FHIT: variants seen among roughly 807,000 people sequenced by gnomAD.
FHIT encodes the protein fragile histidine triad diadenosine triphosphatase.
A neutral mutation model predicts 17.9 loss-of-function variants in FHIT; 19 were observed. The observed-to-expected ratio is 1.06, with a 90% CI of 0.74 to 1.56. FHIT has a LOEUF of 1.56. Among genes scored for constraint, FHIT ranks in the 40% most tolerant of loss-of-function variants. The pLI is 0.00. For missense variants in FHIT, 248 were observed against 189.2 expected (o/e 1.31, Z -1.82); for synonymous variants, 81 against 69.7 (o/e 1.16, Z -0.81).
At chr3:60,569,439 TA>T (rs1433700191) in intron 4 of FHIT, among the ~76,000 whole-genome samples, 1 of 152,030 alleles carries the variant, frequency 6.6e-6, no homozygotes, top group Non-Finnish European at 1.5e-5. Context: ...ACTGCTTACA[TA>T]GTATGACATG....
intron 5 of FHIT, among the ~76,000 whole-genome samples, chr3:60,455,374 T>G (rs2107385962): frequency 6.6e-6 from 1 of 152,270 alleles, no homozygotes; most frequent in South Asian, 2.1e-4. Flanking sequence ...CTCAGCAATC[T>G]TACGGCCATT....
intron 8 of FHIT, among the ~76,000 whole-genome samples, chr3:59,920,133 C>T (rs1705331775): frequency 6.6e-6 from 1 of 152,166 alleles, no homozygotes; most frequent in Non-Finnish European, 1.5e-5. Flanking sequence ...GTAATAATAA[C>T]AGTAAGAACA....
intron 2 of FHIT, among the ~76,000 whole-genome samples, chr3:61,045,273 A>T (rs1191435027): frequency 6.6e-6 from 1 of 152,196 alleles, no homozygotes; most frequent in Non-Finnish European, 1.5e-5. Flanking sequence ...GCTCAAAATA[A>T]AGGGATGGAG....
chr3:60,467,362 T>C (rs1430303254), intron 5 of FHIT, among the ~76,000 whole-genome samples: 2 of 152,028 alleles, frequency 1.3e-5, no homozygotes, highest in Non-Finnish European at 2.9e-5. Context: ...CTGATCTTTA[T>C]TTTTCCTTCT....
At chr3:59,767,391 C>T (rs954990371) in intron 8 of FHIT, among the ~76,000 whole-genome samples, 8 of 151,910 alleles carry the variant, frequency 5.3e-5, no homozygotes, top group African/African-American at 1.5e-4. Context: ...CCCAGTTATT[C>T]GGGAGGCTGA....
intron 1 of FHIT, among the ~76,000 whole-genome samples, chr3:61,213,236 T>C (rs1204918695): frequency 2.0e-5 from 3 of 152,302 alleles, no homozygotes; most frequent in African/African-American, 7.2e-5. Context: ...TCAAGACCCA[T>C]CAGTGTGCTG....
chr3:60,732,684 CTTTTT>C (rs3038041), intron 4 of FHIT: 1,289 of 177,308 alleles, frequency 7.3e-3, no homozygotes, highest in South Asian at 0.012. Context: ...GCAAAGACTG[CTTTTT>C]TTTTTTTTTT....
chr3:60,613,692 C>T (rs1209409700), intron 4 of FHIT, among the ~76,000 whole-genome samples: 2 of 151,936 alleles, frequency 1.3e-5, no homozygotes, highest in Non-Finnish European at 2.9e-5. Flanking sequence ...CCTACATTTC[C>T]CTTTTTCTCT....
chr3:60,688,197 C>A (rs1333938977), intron 4 of FHIT, among the ~76,000 whole-genome samples: 4 of 152,116 alleles, frequency 2.6e-5, no homozygotes, highest in Non-Finnish European at 5.9e-5. Context: ...TATATTTCCT[C>A]TTTTCAACAT....
At chr3:60,011,594 T>A (rs1700143041) in intron 6 of FHIT, among the ~76,000 whole-genome samples, 194 bp from the exon 7 acceptor site, 1 of 152,214 alleles carries the variant, frequency 6.6e-6, no homozygotes, top group Admixed American at 6.5e-5. Flanking sequence ...AGTGCGAAGT[T>A]ATGTATAAAA....
intron 3 of FHIT, among the ~76,000 whole-genome samples, chr3:60,874,523 A>T (rs1312935273): frequency 6.6e-6 from 1 of 152,180 alleles, no homozygotes; most frequent in Non-Finnish European, 1.5e-5. Context: ...TGCCATATGT[A>T]GTCATTAGCT....
chr3:60,250,136 GA>G (rs1221050013), intron 5 of FHIT, among the ~76,000 whole-genome samples: 3 of 151,460 alleles, frequency 2.0e-5, no homozygotes, highest in Non-Finnish European at 4.4e-5. Context: ...AGGGGAAAGA[GA>G]AAAAAAAGAG....
rs949565165 is a variant in FHIT at position 60,723,632 on chromosome 3, C to T, written c.-18+98287G>A. Among the ~76,000 whole-genome samples the T allele has an allele frequency of 8.5e-5, 13 of 152,208 alleles. No individual in the cohort carries two copies. In the East Asian group the frequency reaches 9.6e-4, roughly 11 times the overall value. On this transcript the variant is annotated intron_variant, in intron 4 of 9. Coordinates refer to ENST00000492590, the MANE Select transcript of FHIT (RefSeq NM_002012.4). ...ACTGCATTGGAAGAGGACTCTTGGACGCTTACTCCTGATTTCTCCAGACTG... is the reference window on the plus strand; with the variant it reads ...ACTGCATTGGAAGAGGACTCTTGGATGCTTACTCCTGATTTCTCCAGACTG...
At chr3:60,530,311 G>A (rs1295823105) in intron 5 of FHIT, among the ~76,000 whole-genome samples, 1 of 152,168 alleles carries the variant, frequency 6.6e-6, no homozygotes, top group Non-Finnish European at 1.5e-5. Context: ...AGACCAACAT[G>A]TACATGCCTC....
At chr3:59,877,729 G>GA (rs1459991516) in intron 8 of FHIT, among the ~76,000 whole-genome samples, 1 of 152,194 alleles carries the variant, frequency 6.6e-6, no homozygotes, top group Non-Finnish European at 1.5e-5. Context: ...CTCCTGCCAA[G>GA]AAAATGAGAT....
At chr3:60,425,548 A>G (rs1702630401) in intron 5 of FHIT, among the ~76,000 whole-genome samples, 2 of 152,116 alleles carry the variant, frequency 1.3e-5, no homozygotes, top group Admixed American at 1.3e-4. Flanking sequence ...TAAAAAAAGA[A>G]AATGAAGATT....
chr3:60,421,437 T>G (rs1319013500), intron 5 of FHIT, among the ~76,000 whole-genome samples: 1 of 152,150 alleles, frequency 6.6e-6, no homozygotes, highest in Non-Finnish European at 1.5e-5. Context: ...TGTTTTCAGA[T>G]CATTTCAGAT....
rs192021554 is a variant in FHIT at position 60,229,479 on chromosome 3, T to G, written c.104-215327A>C. Among the ~76,000 whole-genome samples the G allele has an allele frequency of 1.7e-3, 250 of 149,712 alleles. 1 individual carries two copies. Among genetic ancestry groups the G allele is most frequent in the Admixed American group, 3.0e-3 (45 of 15,082 alleles). On this transcript the variant is annotated intron_variant, in intron 5 of 9. Coordinates refer to ENST00000492590, the MANE Select transcript of FHIT (RefSeq NM_002012.4). Reference sequence around the variant, plus strand: ...GAAAGAAAGAAAAGAAAGCAAGCCATTACCCAAGATGGGAGAAGAACAACA... The same window carrying G: ...GAAAGAAAGAAAAGAAAGCAAGCCAGTACCCAAGATGGGAGAAGAACAACA...
intron 4 of FHIT, among the ~76,000 whole-genome samples, chr3:60,791,870 G>A (rs74542322): frequency 0.12 from 18,676 of 152,286 alleles, 1,584 homozygotes; most frequent in African/African-American, 0.23. Context: ...GTAATGGACA[G>A]TGTCCTCATA....
Sources: allele counts gnomAD v4.1 joint callset (sites outside exome capture counted in the v4.1 genomes callset), GRCh38; gene constraint gnomAD v4.1.1; transcripts MANE v1.5; gene names NCBI Gene and HGNC (gene_info 2026-07-23, HGNC 2026-07-21).